Variants in ABCC2 observed in about 807,000 individuals in gnomAD.
ABCC2 encodes the protein ATP-binding cassette sub-family C member 2.
A neutral mutation model predicts 173.4 loss-of-function variants in ABCC2; 157 were observed. That is an observed-to-expected ratio of 0.91 (90% CI 0.80 to 1.03). The LOEUF is 1.03. ABCC2 is among the 50% of genes least tolerant of loss of function. The probability of loss-of-function intolerance (pLI) is 0.00; values close to 1 mark genes in which losing one functional copy is unlikely to be tolerated. For synonymous variants in ABCC2, 657 were observed against 693.5 expected, an observed-to-expected ratio of 0.95 and a Z score of 0.83; for missense variants, 1,822 against 1,852.3, an observed-to-expected ratio of 0.98 and a Z score of 0.30.
intron 29 of ABCC2, among the ~76,000 whole-genome samples, chr10:99,846,271 A>C (rs945033036): frequency 2.6e-5 from 4 of 152,208 alleles, no homozygotes; most frequent in Non-Finnish European, 5.9e-5. Context: ...GACTGCCGCG[A>C]GGCCTCTCCG....
intron 19 of ABCC2, among the ~76,000 whole-genome samples, chr10:99,825,991 T>G (rs2038631852): frequency 6.6e-6 from 1 of 152,228 alleles, no homozygotes; most frequent in South Asian, 2.1e-4. Context: ...CTTTGGTCGT[T>G]TCCCGACAAT....
chr10:99,814,093 A>ATATATGTG (rs2038267241), intron 16 of ABCC2, among the ~76,000 whole-genome samples: 1 of 136,680 alleles, frequency 7.3e-6, no homozygotes, highest in Non-Finnish European at 1.6e-5. Context: ...GTATATACAC[A>ATATATGTG]TATATATACA....
At chr10:99,806,630 T>C (rs916352645) in intron 11 of ABCC2, among the ~76,000 whole-genome samples, 1 of 152,260 alleles carries the variant, frequency 6.6e-6, no homozygotes, top group Non-Finnish European at 1.5e-5. Context: ...ATTGATTAGC[T>C]GGAATTTTAT....
chr10:99,844,166 A>G (rs1225048487), intron 27 of ABCC2, among the ~76,000 whole-genome samples, 156 bp from the exon 28 acceptor site: 3 of 152,244 alleles, frequency 2.0e-5, no homozygotes, highest in Non-Finnish European at 4.4e-5. Flanking sequence ...GGAACTTTCC[A>G]AAAGTGCAAG....
intron 11 of ABCC2, among the ~76,000 whole-genome samples, chr10:99,806,220 G>A (rs538083315): frequency 6.6e-6 from 1 of 152,182 alleles, no homozygotes; most frequent in Admixed American, 6.5e-5. Flanking sequence ...TTGGGGGCGG[G>A]AGTACAAGGT....
intron 26 of ABCC2, among the ~76,000 whole-genome samples, chr10:99,843,185 A>G (rs1243348748): frequency 6.6e-6 from 1 of 152,080 alleles, no homozygotes; most frequent in East Asian, 1.9e-4. Flanking sequence ...TAGGCTTTTT[A>G]GCCCAGGACA....
chr10:99,834,581 T>C (rs377035246), intron 24 of ABCC2, 46 bp downstream of exon 24: 2 of 1,592,566 alleles, frequency 1.3e-6, no homozygotes, highest in Non-Finnish European at 1.7e-6. Flanking sequence ...TCTCTATCTA[T>C]AAAAGCCCAG....
chr10:99,842,579 A>G (rs2038963449), intron 26 of ABCC2, among the ~76,000 whole-genome samples: 1 of 152,216 alleles, frequency 6.6e-6, no homozygotes, highest in African/African-American at 2.4e-5. Context: ...TAGAGGATAC[A>G]TGGCAGGCAT....
chr10:99,821,262 A>G (rs1305600887), intron 19 of ABCC2, among the ~76,000 whole-genome samples: 1 of 152,228 alleles, frequency 6.6e-6, no homozygotes, highest in Non-Finnish European at 1.5e-5. Flanking sequence ...GGAACATACA[A>G]TCGGGTTTTA....
chr10:99,830,985 A>G (rs999939488), intron 21 of ABCC2, 134 bp downstream of exon 21: 63 of 968,212 alleles, frequency 6.5e-5, no homozygotes, highest in Non-Finnish European at 9.4e-5. Flanking sequence ...CTTCAGACTC[A>G]TTATTAACCT....
At chr10:99,809,329 G>A (rs1180869314) in intron 13 of ABCC2, among the ~76,000 whole-genome samples, 3 of 152,120 alleles carry the variant, frequency 2.0e-5, no homozygotes, top group South Asian at 4.1e-4. Flanking sequence ...CTCCAGCCTG[G>A]GCGACAGAGT....
intron 29 of ABCC2, 111 bp from the exon 30 acceptor site, chr10:99,846,850 C>T: frequency 7.0e-7 from 1 of 1,435,872 alleles, no homozygotes; most frequent in Non-Finnish European, 9.8e-7. Context: ...CAGCTTCCTG[C>T]CTCAGGAATC....
Position 99,782,806 on chromosome 10 carries a change from T to G in ABCC2, c.-39T>G, listed in dbSNP as rs1404309744. On this transcript the variant is annotated 5_prime_UTR_variant, in exon 1 of 32. It adds an upstream start codon to the 5' untranslated region. Transcript: ENST00000647814. ...TAAAGAAGAAACAACACAATCATAT[T>G]AATAGAAGAGTCTTCGTTCCAGACG... 1 of 1,609,454 alleles carries G rather than the reference T, an allele frequency of 6.2e-7. No homozygotes were observed. The highest frequency in any genetic ancestry group is 1.1e-5 in the South Asian group (1 of 90,982).
intron 13 of ABCC2, 125 bp from the exon 14 acceptor site, chr10:99,810,009 C>T (rs2038181630): frequency 2.4e-6 from 2 of 823,736 alleles, no homozygotes; most frequent in Non-Finnish European, 2.0e-6. Flanking sequence ...GGGCTGAGTT[C>T]GGTGGAGATT....
At chr10:99,820,551 A>C (rs888469764) in intron 19 of ABCC2, among the ~76,000 whole-genome samples, 2 of 152,166 alleles carry the variant, frequency 1.3e-5, no homozygotes, top group African/African-American at 4.8e-5. Flanking sequence ...GGAGCCCAGG[A>C]GTTTGAGACC....
intron 9 of ABCC2, among the ~76,000 whole-genome samples, chr10:99,801,415 T>C (rs570867820): frequency 6.6e-6 from 1 of 152,234 alleles, no homozygotes; most frequent in South Asian, 2.1e-4. Context: ...TTTTTGTATT[T>C]TTAGTAGAGA....
In ABCC2 at chr10:99,830,356, T is replaced by C. The variant is rs1410613192; in HGVS notation, c.2670T>C (p.Ser890=). 1 of 1,614,168 alleles carries C rather than the reference T, an allele frequency of 6.2e-7. No individual in the cohort carries two copies. The highest frequency in any genetic ancestry group is 8.5e-7 in the Non-Finnish European group (1 of 1,180,000). ...ACGATGACTATGGGCTGATATCCAGTGTGGAAGAGATCCCCGAAGATGCAG... is the reference window on the plus strand; with the variant it reads ...ACGATGACTATGGGCTGATATCCAGCGTGGAAGAGATCCCCGAAGATGCAG... ...EEDDDYGLIS[S]VEEIPEDAAS... is the part of the protein sequence containing the mutation. The change falls in exon 20 of 32, where the codon AGT becomes AGC. Residue 890 remains serine, a synonymous_variant. Coordinates refer to ENST00000647814, the MANE Select transcript of ABCC2 (RefSeq NM_000392.5).
intron 19 of ABCC2, among the ~76,000 whole-genome samples, chr10:99,819,753 C>T (rs962608132): frequency 2.0e-5 from 3 of 152,222 alleles, no homozygotes; most frequent in African/African-American, 7.2e-5. Context: ...TATACCAAAA[C>T]CACTGGGTGT....
At chr10:99,805,492 G>T in intron 11 of ABCC2, 45 bp downstream of exon 11, 1 of 1,582,242 alleles carries the variant, frequency 6.3e-7, no homozygotes, top group South Asian at 1.1e-5. Flanking sequence ...AAGGACAGAA[G>T]CAGTGGCTCT....
Sources: gnomAD v4.1 joint callset for allele counts (sites outside exome capture counted in the v4.1 genomes callset) on GRCh38, gnomAD v4.1.1 for gene constraint, MANE v1.5 for transcripts, NCBI Gene and HGNC (gene_info 2026-07-23, HGNC 2026-07-21) for gene names.